Variants in GPLD1 observed in about 807,000 individuals in gnomAD.
GPLD1 encodes the protein phosphatidylinositol-glycan-specific phospholipase D.
In GPLD1, 84 loss-of-function variants were observed where a neutral mutation model predicts 112.6. That is an observed-to-expected ratio of 0.75 (90% CI 0.63 to 0.89). GPLD1 has a LOEUF of 0.89. Ranked by LOEUF, GPLD1 falls within the 40% of genes least tolerant of loss-of-function variation. GPLD1 has a pLI of 0.00. For synonymous variants in GPLD1, 386 were observed against 403.8 expected (o/e 0.96, Z 0.53); for missense variants, 1,044 against 1,051.5 (o/e 0.99, Z 0.10).
intron 14 of GPLD1, among the ~76,000 whole-genome samples, chr6:24,450,228 T>C (rs1763038639): frequency 6.6e-6 from 1 of 152,164 alleles, no homozygotes; most frequent in Admixed American, 6.5e-5. Context: ...GTATCTAAAA[T>C]AGGCCGGGCA....
intron 23 of GPLD1, 46 bp from the exon 24 acceptor site, chr6:24,433,283 A>G (rs775682496): frequency 2.5e-5 from 40 of 1,590,548 alleles, no homozygotes; most frequent in Non-Finnish European, 3.5e-5. Flanking sequence ...AACATAGTGT[A>G]ATACTTTATC....
chr6:24,433,484 C>CTTTT (rs58008688), intron 22 of GPLD1, 95 bp from the exon 23 acceptor site: 38 of 437,164 alleles, frequency 8.7e-5, no homozygotes, highest in South Asian at 4.2e-4. Flanking sequence ...CTCATTTCTA[C>CTTTT]TTTTTTTTTT....
At chr6:24,458,808 G>A (rs555267257) in intron 12 of GPLD1, among the ~76,000 whole-genome samples, 61 of 152,100 alleles carry the variant, frequency 4.0e-4, no homozygotes, top group Non-Finnish European at 2.8e-4. Flanking sequence ...AACCCGGGAG[G>A]CAGAGGTTAC....
chr6:24,480,603 A>G (rs1764170068), intron 2 of GPLD1, among the ~76,000 whole-genome samples: 1 of 152,250 alleles, frequency 6.6e-6, no homozygotes, highest in South Asian at 2.1e-4. Flanking sequence ...ATATCAGTTT[A>G]TAGTTGCTAC....
intron 11 of GPLD1, among the ~76,000 whole-genome samples, 167 bp downstream of exon 11, chr6:24,462,563 G>C (rs551480584): frequency 1.3e-5 from 2 of 152,274 alleles, no homozygotes; most frequent in East Asian, 3.9e-4. Context: ...GGAAGCTATA[G>C]CTCCAAAAAT....
Position 24,426,422 on chromosome 6 carries a change from A to G in GPLD1, c.*2610T>C, listed in dbSNP as rs1762239774. 6.6e-6 allele frequency among the ~76,000 whole-genome samples: 1 copy of G among 152,168 alleles called. No homozygotes were observed. The highest frequency in any genetic ancestry group is 1.5e-5 in the Non-Finnish European group (1 of 68,034). ...TCAGTTGACCTTTTACAGTAGGAGT[A>G]TAATTTACATTGTTTTTGACATTGG... On this transcript the variant is annotated 3_prime_UTR_variant, in exon 25 of 25. Transcript: ENST00000230036.
rs1020437409 is a variant in GPLD1 at position 24,429,201 on chromosome 6, T to G, written c.2437-83A>C. Reference sequence around the variant, plus strand: ...TGGTAGTCCAGGCATCATGCTATGCTCTAGAAATATAAAGATGAATAAGAC... The same window carrying G: ...TGGTAGTCCAGGCATCATGCTATGCGCTAGAAATATAAAGATGAATAAGAC... On this transcript the variant is annotated intron_variant, in intron 24 of 24. Coordinates refer to ENST00000230036, the MANE Select transcript of GPLD1 (RefSeq NM_001503.4). 4 of 778,440 alleles carry G rather than the reference T, an allele frequency of 5.1e-6. No individual in the cohort carries two copies. The African/African-American group carries it at 7.0e-5, about 14-fold the overall frequency. The allele number at this position is 778,440 out of a possible 1,614,324, so 48.2% of individuals were successfully genotyped here.
intron 7 of GPLD1, 22 bp downstream of exon 7, chr6:24,472,559 AT>A: frequency 6.9e-7 from 1 of 1,441,868 alleles, no homozygotes; most frequent in Non-Finnish European, 9.8e-7. Context: ...GATACCACAT[AT>A]TTAGATGTAC....
intron 12 of GPLD1, among the ~76,000 whole-genome samples, chr6:24,459,646 C>T (rs911546899): frequency 3.3e-5 from 5 of 152,234 alleles, no homozygotes; most frequent in Non-Finnish European, 7.3e-5. Flanking sequence ...TCACTCCTTT[C>T]AGACTGAAAT....
At chr6:24,445,300 T>G (rs972955585) in intron 20 of GPLD1, among the ~76,000 whole-genome samples, 2 of 152,288 alleles carry the variant, frequency 1.3e-5, no homozygotes, top group East Asian at 3.9e-4. Context: ...GTGCTGGGAT[T>G]ACAGGTGTGA....
At chr6:24,477,638 G>C (rs1024395263) in intron 3 of GPLD1, among the ~76,000 whole-genome samples, 2 of 152,096 alleles carry the variant, frequency 1.3e-5, no homozygotes, top group Non-Finnish European at 2.9e-5. Flanking sequence ...GCTGAGGCAG[G>C]AGGGTTGCTT....
At chr6:24,436,463 G>T in intron 22 of GPLD1, 113 bp downstream of exon 22, 1 of 859,188 alleles carries the variant, frequency 1.2e-6, no homozygotes, top group African/African-American at 1.7e-5. Context: ...ATGGTGTCCT[G>T]ACCCTAGGAG....
chr6:24,450,031 C>T (rs982137631), intron 14 of GPLD1, 132 bp from the exon 15 acceptor site: 2 of 599,996 alleles, frequency 3.3e-6, no homozygotes, highest in South Asian at 2.0e-5. Context: ...GTGCAGTAAG[C>T]TATAACATAT....
At position 24,454,128 on chromosome 6, in the gene GPLD1, G is replaced by T. The variant is rs1252990963; in HGVS notation, c.1222C>A (p.Pro408Thr). ...LVVGAPGYSR[P>T]GHIHIGRVYL... ...ACGCGCCCGATGTGGATGTGGCCGG[G>T]GCGGCTGTAGCCTGGTGCGCCCACC... The change falls in exon 14 of 25, where the codon CCC (proline) becomes ACC (threonine). Residue 408 changes from proline (P) to threonine (T), a missense_variant. Physicochemically the swap from Pro to Thr is conservative, Grantham distance 38 (BLOSUM62 -1). Transcript: ENST00000230036. 4 of 1,614,082 alleles carry T rather than the reference G, an allele frequency of 2.5e-6. No individual in the cohort carries two copies. Among genetic ancestry groups the T allele is most frequent in the Non-Finnish European group, 3.4e-6 (4 of 1,179,968 alleles).
intron 20 of GPLD1, among the ~76,000 whole-genome samples, chr6:24,442,494 G>A (rs1762780500): frequency 8.2e-6 from 1 of 122,362 alleles, no homozygotes; most frequent in South Asian, 2.6e-4. Context: ...ACCCAGGCTG[G>A]AGTGCAGTGG....
intron 20 of GPLD1, among the ~76,000 whole-genome samples, chr6:24,441,201 G>A (rs904751545): frequency 3.3e-5 from 5 of 151,664 alleles, no homozygotes; most frequent in African/African-American, 1.2e-4. Flanking sequence ...AGCTACTCAG[G>A]AGAATGAAAC....
chr6:24,495,236 C>T, upstream of GPLD1: 2 of 1,523,452 alleles, frequency 1.3e-6, no homozygotes, highest in Non-Finnish European at 1.8e-6. Flanking sequence ...CCGTGCAAGA[C>T]CCGGCCAGCG....
At chr6:24,449,147 G>A (rs146152293) in intron 15 of GPLD1, among the ~76,000 whole-genome samples, 4 of 152,056 alleles carry the variant, frequency 2.6e-5, no homozygotes, top group South Asian at 2.1e-4. Flanking sequence ...GAAACTGTAC[G>A]AGCAAAGGTC....
chr6:24,466,813 G>C lies in GPLD1; in HGVS notation c.688C>G (p.Pro230Ala). 1 of 1,608,356 alleles carries C rather than the reference G, an allele frequency of 6.2e-7. No individual in the cohort carries two copies. The highest frequency in any genetic ancestry group is 8.5e-7 in the Non-Finnish European group (1 of 1,175,680). Residue 230 changes from proline (P) to alanine (A), a missense_variant, in exon 10 of 25, where the codon CCC (proline) becomes GCC (alanine). By Grantham distance (27) the Pro-to-Ala change is conservative. Coordinates refer to ENST00000230036, the MANE Select transcript of GPLD1 (RefSeq NM_001503.4). ...GEMLAVSKLY[P>A]TYSTKSPFLV... ...AACGGGGACTTTGTAGAGTAAGTGG[G>C]ATATAACTATGGCAGAGAGAAAGAA...
Sources: gnomAD v4.1 joint callset for allele counts (sites outside exome capture counted in the v4.1 genomes callset) on GRCh38, gnomAD v4.1.1 for gene constraint, MANE v1.5 for transcripts, NCBI Gene and HGNC (gene_info 2026-07-23, HGNC 2026-07-21) for gene names.